The following C13orf42 variants were observed in gnomAD, a reference collection of about 807,000 sequenced individuals.
C13orf42 encodes the protein uncharacterized protein C13orf42.
intron 1 of C13orf42, among the ~76,000 whole-genome samples, chr13:51,098,401 T>A (rs1401658243): frequency 6.6e-6 from 1 of 151,962 alleles, no homozygotes; most frequent in African/African-American, 2.4e-5. Context: ...ATTCCCCTCA[T>A]CTCCTCAGAG....
intron 1 of C13orf42, among the ~76,000 whole-genome samples, chr13:51,126,371 T>C (rs915816762): frequency 6.6e-6 from 1 of 152,208 alleles, no homozygotes; most frequent in Admixed American, 6.5e-5. Context: ...CCTATTCTAT[T>C]AAGAATAACA....
chr13:51,116,722 G>A (rs1461502912), intron 1 of C13orf42, among the ~76,000 whole-genome samples: 1 of 152,202 alleles, frequency 6.6e-6, no homozygotes, highest in Admixed American at 6.5e-5. Context: ...GACTTCCCTG[G>A]CTTAAAATAA....
intron 1 of C13orf42, among the ~76,000 whole-genome samples, chr13:51,141,374 T>G (rs932033415): frequency 1.3e-5 from 2 of 151,944 alleles, no homozygotes; most frequent in African/African-American, 4.8e-5. Flanking sequence ...TTAAAAAAAG[T>G]GGGGGACTCT....
At chr13:51,124,306 T>G (rs933798730) in intron 1 of C13orf42, among the ~76,000 whole-genome samples, 1 of 152,144 alleles carries the variant, frequency 6.6e-6, no homozygotes, top group Non-Finnish European at 1.5e-5. Flanking sequence ...CTGATTTGAG[T>G]AATAATAAAA....
At chr13:51,142,402 A>G (rs1260179243) in intron 1 of C13orf42, among the ~76,000 whole-genome samples, 3 of 152,162 alleles carry the variant, frequency 2.0e-5, no homozygotes. Context: ...CAGAACTTTA[A>G]ATCATGACTA....
At chr13:51,105,843 T>C (rs1953348015) in intron 1 of C13orf42, among the ~76,000 whole-genome samples, 1 of 152,182 alleles carries the variant, frequency 6.6e-6, no homozygotes. Context: ...GCTGTAGATA[T>C]ATTGACAGTA....
At chr13:51,137,073 G>GTGTGTTTT (rs1394834024) in intron 1 of C13orf42, among the ~76,000 whole-genome samples, 21 of 152,178 alleles carry the variant, frequency 1.4e-4, no homozygotes, top group Admixed American at 1.4e-3. Flanking sequence ...GTGTGTGTTT[G>GTGTGTTTT]TGTGTTTGTG....
At chr13:51,134,700 G>A (rs908984726) in intron 1 of C13orf42, among the ~76,000 whole-genome samples, 2 of 152,156 alleles carry the variant, frequency 1.3e-5, no homozygotes, top group Non-Finnish European at 2.9e-5. Context: ...CTCTACCCCA[G>A]AGCAATTTCT....
intron 1 of C13orf42, among the ~76,000 whole-genome samples, chr13:51,119,460 C>T (rs186442035): frequency 3.7e-4 from 57 of 152,118 alleles, no homozygotes; most frequent in African/African-American, 1.3e-3. Flanking sequence ...GCTGCCATGG[C>T]GTACAGAGTG....
chr13:51,123,243 T>C (rs1405116889), intron 1 of C13orf42, among the ~76,000 whole-genome samples: 3 of 152,224 alleles, frequency 2.0e-5, no homozygotes, highest in Non-Finnish European at 2.9e-5. Context: ...CAAACTCTTA[T>C]TGGCTTATTA....
intron 1 of C13orf42, among the ~76,000 whole-genome samples, chr13:51,153,629 T>G (rs1164487629): frequency 2.2e-5 from 3 of 138,046 alleles, no homozygotes; most frequent in African/African-American, 8.5e-5. Flanking sequence ...CTGTTTTTTT[T>G]CTTTTTTTTT....
chr13:51,125,844 A>G (rs963730781), intron 1 of C13orf42, among the ~76,000 whole-genome samples: 2 of 152,204 alleles, frequency 1.3e-5, no homozygotes, highest in African/African-American at 4.8e-5. Flanking sequence ...TCATTAAATA[A>G]ATGCAATGAC....
At chr13:51,131,861 TATTTTTGAGTTTTTTTCCTGTA>T (rs2138022087) in intron 1 of C13orf42, among the ~76,000 whole-genome samples, 1 of 152,344 alleles carries the variant, frequency 6.6e-6, no homozygotes, top group East Asian at 1.9e-4. Flanking sequence ...TCTCATCAGT[TATTTTTGAGTTTTTTTCCTGTA>T]ATTTAGACTA....
Position 51,088,004 on chromosome 13 carries a change from G to A in C13orf42, c.486C>T (p.Ile162=), listed in dbSNP as rs1953147136. The A allele has an allele frequency of 2.5e-6, 1 of 398,728 alleles. No individual in the cohort carries two copies. Among genetic ancestry groups the A allele is most frequent in the Admixed American group, 4.4e-5 (1 of 22,714 alleles). 24.7% of individuals were successfully genotyped at this position (398,728 alleles called of 1,614,324 possible). A position where few individuals can be genotyped will look rare whatever the true frequency, so the allele number is the denominator to read the frequency against. ...VAEAIAFFDS[I]IAELDTERRP... is the part of the protein sequence containing the mutation. ...GTCTCTCTGTATCCAGCTCTGCAAT[G>A]ATGGAGTCAAAGAAGGCAATGGCCT... The change falls in exon 2 of 4, where the codon ATC becomes ATT. Residue 162 remains isoleucine, a synonymous_variant. Transcript: ENST00000563710.
intron 1 of C13orf42, among the ~76,000 whole-genome samples, chr13:51,147,795 C>G (rs1953749767): frequency 6.6e-6 from 1 of 151,936 alleles, no homozygotes; most frequent in African/African-American, 2.4e-5. Flanking sequence ...TAGAATCAAT[C>G]ACCTGAGAGA....
intron 1 of C13orf42, among the ~76,000 whole-genome samples, chr13:51,135,898 T>C (rs1249685301): frequency 6.6e-6 from 1 of 152,088 alleles, no homozygotes; most frequent in Non-Finnish European, 1.5e-5. Context: ...AGAAACAACT[T>C]GTATATTAAA....
intron 1 of C13orf42, among the ~76,000 whole-genome samples, chr13:51,098,975 A>G (rs959412227): frequency 3.3e-5 from 5 of 152,202 alleles, no homozygotes; most frequent in Admixed American, 6.5e-5. Context: ...AAAACGTGGA[A>G]TTGGTCCTGA....
chr13:51,133,433 CT>C (rs1230084515), intron 1 of C13orf42, among the ~76,000 whole-genome samples: 4 of 152,154 alleles, frequency 2.6e-5, no homozygotes, highest in African/African-American at 9.7e-5. Flanking sequence ...CTTAATGCCA[CT>C]CATTTTACAC....
intron 1 of C13orf42, among the ~76,000 whole-genome samples, chr13:51,136,595 G>A (rs1025714914): frequency 4.6e-5 from 7 of 152,172 alleles, no homozygotes; most frequent in Non-Finnish European, 1.0e-4. Flanking sequence ...AGAGCTCACC[G>A]GGGTGTGGGA....
Sources: gnomAD v4.1 joint callset for allele counts (sites outside exome capture counted in the v4.1 genomes callset) on GRCh38, gnomAD v4.1.1 for gene constraint, MANE v1.5 for transcripts, NCBI Gene and HGNC (gene_info 2026-07-23, HGNC 2026-07-21) for gene names.